The following PPP1R36 variants were observed in gnomAD, a reference collection of about 807,000 sequenced individuals.
PPP1R36 encodes chromosome 14 open reading frame 50.
Under a neutral mutation model 53.4 loss-of-function variants are expected in PPP1R36, and 47 were observed. That is an observed-to-expected ratio of 0.88 (90% CI 0.70 to 1.12). PPP1R36 has a LOEUF of 1.12. Among genes scored for constraint, PPP1R36 ranks in the 50% most tolerant of loss-of-function variants. The probability of loss-of-function intolerance (pLI) is 0.00; values close to 1 mark genes in which losing one functional copy is unlikely to be tolerated. For missense variants in PPP1R36, 456 were observed against 513.9 expected, an observed-to-expected ratio of 0.89 and a Z score of 1.09; for synonymous variants, 153 against 170.5, an observed-to-expected ratio of 0.90 and a Z score of 0.80.
At position 64,582,630 on chromosome 14, in the gene PPP1R36, T is replaced by G. The variant is rs141779188; in HGVS notation, c.669-4207T>G. ...AAGCACTGTACACAGAAAGTCTAAA[T>G]ATGAATAAAACATCTCAATACTTTA... On this transcript the variant is annotated intron_variant, in intron 8 of 11. Coordinates refer to ENST00000298705, the MANE Select transcript of PPP1R36 (RefSeq NM_172365.3). 2.8e-4 allele frequency among the ~76,000 whole-genome samples: 43 copies of G among 152,344 alleles called. 2 individuals are homozygous for G. The East Asian group carries it at 8.1e-3, about 29-fold the overall frequency.
chr14:64,558,614 C>T lies in PPP1R36; in HGVS notation c.182+5753C>T, dbSNP rs1469182839. ...TAAACAAAACCCCCAAAATAGAGTACTCTTGCTTTTTTGGTTTGTTTTGTC... is the reference window on the plus strand; with the variant it reads ...TAAACAAAACCCCCAAAATAGAGTATTCTTGCTTTTTTGGTTTGTTTTGTC... On this transcript the variant is annotated intron_variant, in intron 3 of 11. Coordinates refer to ENST00000298705, the MANE Select transcript of PPP1R36 (RefSeq NM_172365.3). 2.6e-5 allele frequency among the ~76,000 whole-genome samples: 4 copies of T among 151,370 alleles called. No individual in the cohort carries two copies. The East Asian group carries it at 7.8e-4, about 29-fold the overall frequency.
rs528815323 is a variant in PPP1R36 at position 64,570,890 on chromosome 14, G to A, written c.533+2443G>A. 3.3e-5 allele frequency among the ~76,000 whole-genome samples: 5 copies of A among 152,326 alleles called. No individual in the cohort carries two copies. The East Asian group carries it at 9.6e-4, about 29-fold the overall frequency. ...ACAGATGAAGAAATTAAGGCTCACA[G>A]AGGTTAAATAGTTTGTTGGGGATTA... On this transcript the variant is annotated intron_variant, in intron 7 of 11. Coordinates refer to ENST00000298705, the MANE Select transcript of PPP1R36 (RefSeq NM_172365.3).
At chr14:64,586,582 T>C in intron 8 of PPP1R36, 1 of 345,528 alleles carries the variant, frequency 2.9e-6, no homozygotes, top group South Asian at 9.1e-5. Context: ...AAGAATACAT[T>C]TCCTCACTGG....
Position 64,568,364 on chromosome 14 carries a change from T to TAATTTCC in PPP1R36, c.451_457dup (p.Leu153GlnfsTer42). The TAATTTCC allele has an allele frequency of 2.6e-6, 4 of 1,510,400 alleles. No individual in the cohort carries two copies. Among genetic ancestry groups the TAATTTCC allele is most frequent in the Non-Finnish European group, 3.6e-6 (4 of 1,110,446 alleles). 93.6% of individuals were successfully genotyped at this position (1,510,400 alleles called of 1,614,324 possible). A position where few individuals can be genotyped will look rare whatever the true frequency, so the allele number is the denominator to read the frequency against. ...CTCCCCATAGGAATAAGAATCTTGA[T>TAATTTCC]AATTTCCTCATGGCATTATTGTACT... On this transcript the variant is annotated frameshift_variant, in exon 7 of 12. Coordinates refer to ENST00000298705, the MANE Select transcript of PPP1R36 (RefSeq NM_172365.3). LOFTEE classifies it high-confidence loss of function.
At position 64,588,147 on chromosome 14, in the gene PPP1R36, A is replaced by C; in HGVS notation, c.934A>C (p.Met312Leu). ...CCCAGCAATTAAAAAAGCTATCAAC[A>C]TGCGTTCTCCAGTCATGTCTACTCT... ...KRPAIKKAINMRSPVMSTLLP... is the reference protein window; with the variant it reads ...KRPAIKKAINLRSPVMSTLLP... The change falls in exon 11 of 12, where the codon ATG becomes CTG. Residue 312 changes from methionine (M) to leucine (L), a missense_variant. Met to Leu is a conservative substitution (Grantham distance 15, BLOSUM62 2). Transcript: ENST00000298705. 1 of 1,611,304 alleles carries C rather than the reference A, an allele frequency of 6.2e-7. No homozygotes were observed. Among genetic ancestry groups the C allele is most frequent in the Non-Finnish European group, 8.5e-7 (1 of 1,178,452 alleles).
Position 64,554,142 on chromosome 14 carries a change from G to GTTTTTTTTTT in PPP1R36, c.182+1298_182+1307dup, listed in dbSNP as rs367753961. On this transcript the variant is annotated intron_variant, in intron 3 of 11. Coordinates refer to ENST00000298705, the MANE Select transcript of PPP1R36 (RefSeq NM_172365.3). ...AGTCTGAGCAAATCCCATCACAATT[G>GTTTTTTTTTT]TTTTTTTTTTTTTTTTTTTTTTTTT... Among the ~76,000 whole-genome samples, 12 of 65,290 alleles carry GTTTTTTTTTT rather than the reference G, an allele frequency of 1.8e-4. 1 individual carries two copies. Among genetic ancestry groups the GTTTTTTTTTT allele is most frequent in the African/African-American group, 6.8e-4 (11 of 16,114 alleles). 42.8% of individuals were successfully genotyped at this position (65,290 alleles called of 152,430 possible). A position where few individuals can be genotyped will look rare whatever the true frequency, so the allele number is the denominator to read the frequency against.
At position 64,574,519 on chromosome 14, in the gene PPP1R36, T is replaced by C. The variant is rs145235672; in HGVS notation, c.598T>C (p.Leu200=). 3.2e-5 allele frequency: 51 copies of C among 1,613,956 alleles called. No individual in the cohort carries two copies. The highest frequency in any genetic ancestry group is 4.3e-5 in the Non-Finnish European group (51 of 1,179,950). The part of the protein sequence containing the change: ...LSELEAAQRY[L]AQKYCILVLG... ...TGAATTAGAAGCAGCACAGAGGTAC[T>C]TGGCGCAGAAGTACTGTATCCTTGT... The change falls in exon 8 of 12, where the codon TTG becomes CTG. Residue 200 remains leucine (L), a synonymous_variant. Transcript: ENST00000298705.
chr14:64,582,388 A>C (rs1171935465), intron 8 of PPP1R36, among the ~76,000 whole-genome samples: 1 of 152,214 alleles, frequency 6.6e-6, no homozygotes, highest in Non-Finnish European at 1.5e-5. Context: ...CCAAGAGTCT[A>C]AGGTAGCAAG....
Position 64,564,723 on chromosome 14 carries a change from G to T in PPP1R36, c.183-28G>T, listed in dbSNP as rs202210659. The T allele has an allele frequency of 2.0e-6, 3 of 1,503,452 alleles. No individual in the cohort carries two copies. In the East Asian group the frequency reaches 6.8e-5, roughly 34 times the overall value. The allele number at this position is 1,503,452 out of a possible 1,614,324, so 93.1% of individuals were successfully genotyped here. A position where few individuals can be genotyped will look rare whatever the true frequency, so the allele number is the denominator to read the frequency against. Reference sequence around the variant, plus strand: ...CTTGTTTTCCCCTGGAAAAGGTGAAGTCCCTAATTATCTCATTTTTATTGC... The same window carrying T: ...CTTGTTTTCCCCTGGAAAAGGTGAATTCCCTAATTATCTCATTTTTATTGC... On this transcript the variant is annotated intron_variant, in intron 3 of 11. Coordinates refer to ENST00000298705, the MANE Select transcript of PPP1R36 (RefSeq NM_172365.3).
At chr14:64,556,667 G>C (rs2080155326) in intron 3 of PPP1R36, among the ~76,000 whole-genome samples, 1 of 145,952 alleles carries the variant, frequency 6.9e-6, no homozygotes, top group Non-Finnish European at 1.5e-5. Flanking sequence ...CCAGCTACTT[G>C]GGATGCTGAG....
At chr14:64,554,142 G>GTTTTTTTTTTTTTTT (rs367753961) in intron 3 of PPP1R36, among the ~76,000 whole-genome samples, 1 of 65,260 alleles carries the variant, frequency 1.5e-5, no homozygotes, top group African/African-American at 6.2e-5. Context: ...CATCACAATT[G>GTTTTTTTTTTTTTTT]TTTTTTTTTT....
Position 64,587,177 on chromosome 14 carries a change from T to C in PPP1R36, c.712-17T>C, listed in dbSNP as rs1229052814. The C allele has an allele frequency of 1.3e-6, 2 of 1,587,084 alleles. No individual in the cohort carries two copies. The highest frequency in any genetic ancestry group is 1.7e-5 in the Admixed American group (1 of 57,540). ...TCACAGCTAAGGATCGTGATTCTTG[T>C]CTATTTTTTGTTGTAGTCCTTTTAT... On this transcript the variant is annotated splice_polypyrimidine_tract_variant and intron_variant, in intron 9 of 11. Transcript: ENST00000298705.
chr14:64,561,069 A>C (rs1421750295), intron 3 of PPP1R36, among the ~76,000 whole-genome samples: 2 of 152,282 alleles, frequency 1.3e-5, no homozygotes, highest in African/African-American at 4.8e-5. Flanking sequence ...GAATCCAGAC[A>C]ATCTGTTTCA....
At chr14:64,563,586 G>A (rs994134545) in intron 3 of PPP1R36, among the ~76,000 whole-genome samples, 2 of 152,226 alleles carry the variant, frequency 1.3e-5, no homozygotes, top group Admixed American at 1.3e-4. Flanking sequence ...GAAACTCCTG[G>A]AAGAAGAAGA....
intron 8 of PPP1R36, among the ~76,000 whole-genome samples, chr14:64,578,562 T>A (rs1417037863): frequency 2.6e-5 from 4 of 152,212 alleles, no homozygotes; most frequent in African/African-American, 9.6e-5. Flanking sequence ...AATGAGATAC[T>A]ATTTCACATC....
chr14:64,566,878 T>A (rs2080262345), intron 6 of PPP1R36, among the ~76,000 whole-genome samples: 1 of 152,112 alleles, frequency 6.6e-6, no homozygotes, highest in Non-Finnish European at 1.5e-5. Flanking sequence ...GGTGGAGGAG[T>A]TGATAGGTAA....
intron 1 of PPP1R36, 74 bp from the exon 2 acceptor site, chr14:64,550,847 T>A: frequency 1.8e-6 from 2 of 1,109,472 alleles, no homozygotes; most frequent in Non-Finnish European, 2.7e-6. Flanking sequence ...GAATTATTGT[T>A]AAAGGTTTAT....
chr14:64,571,707 C>T (rs1169735707), intron 7 of PPP1R36, among the ~76,000 whole-genome samples: 1 of 152,082 alleles, frequency 6.6e-6, no homozygotes, highest in Non-Finnish European at 1.5e-5. Flanking sequence ...AGTCTGTTCT[C>T]ATGTTTCTAA....
chr14:64,554,500 AGTTCAAACCTATCT>A (rs2080130888), intron 3 of PPP1R36, among the ~76,000 whole-genome samples: 1 of 148,588 alleles, frequency 6.7e-6, no homozygotes, highest in African/African-American at 2.6e-5. Flanking sequence ...ACAGATAGTT[AGTTCAAACCTATCT>A]GTTCAAACCT....
Sources: gnomAD v4.1 joint callset for allele counts (sites outside exome capture counted in the v4.1 genomes callset) on GRCh38, gnomAD v4.1.1 for gene constraint, MANE v1.5 for transcripts, NCBI Gene and HGNC (gene_info 2026-07-23, HGNC 2026-07-21) for gene names.